The following SEPTIN7 variants were observed in gnomAD, a reference collection of about 807,000 sequenced individuals.
The protein encoded by SEPTIN7 is septin-7.
A neutral mutation model predicts 63.3 loss-of-function variants in SEPTIN7; 10 were observed. The ratio of observed to expected loss-of-function variants is 0.16; its 90% CI spans 0.10 to 0.27. SEPTIN7 has a LOEUF of 0.27. Among genes scored for constraint, SEPTIN7 ranks in the 10% least tolerant of loss-of-function variants. The pLI, the probability that SEPTIN7 is intolerant of heterozygous loss-of-function variation, is 1.00. For missense variants in SEPTIN7, 310 were observed against 521.0 expected (o/e 0.59, Z 3.94); for synonymous variants, 131 against 165.3 (o/e 0.79, Z 1.59).
chr7:35,900,587 G>A (rs1461185709), intron 12 of SEPTIN7: 2 of 151,904 alleles, frequency 1.3e-5, no homozygotes, highest in Non-Finnish European at 2.9e-5. Context: ...TCCAAAAGGG[G>A]GAAAAAAACA....
chr7:35,801,333 C>G, intron 1 of SEPTIN7, 63 bp downstream of exon 1: 1 of 1,508,026 alleles, frequency 6.6e-7, no homozygotes, highest in Non-Finnish European at 8.9e-7. Flanking sequence ...GGAAGCTCTG[C>G]GGCCGCTGGA....
At chr7:35,842,294 C>G (rs917420418) in intron 3 of SEPTIN7, among the ~76,000 whole-genome samples, 2 of 151,768 alleles carry the variant, frequency 1.3e-5, no homozygotes, top group African/African-American at 2.4e-5. Context: ...CCATGAAAGA[C>G]CTTTGTAGTG....
intron 3 of SEPTIN7, among the ~76,000 whole-genome samples, chr7:35,835,022 T>C (rs185440814): frequency 1.8e-3 from 268 of 152,324 alleles, no homozygotes; most frequent in African/African-American, 5.8e-3. Context: ...ATAATCTTGC[T>C]TCATAAGCAA....
intron 1 of SEPTIN7, among the ~76,000 whole-genome samples, chr7:35,801,829 T>C (rs1047993576): frequency 9.3e-5 from 14 of 149,796 alleles, no homozygotes; most frequent in Admixed American, 4.0e-4. Flanking sequence ...AGGCTGAGGC[T>C]GTGGTGGAGG....
At chr7:35,865,712 G>C (rs1052191509) in intron 4 of SEPTIN7, among the ~76,000 whole-genome samples, 9 of 152,058 alleles carry the variant, frequency 5.9e-5, no homozygotes, top group African/African-American at 1.9e-4. Flanking sequence ...GTTATTTCAT[G>C]AAAGTGTTTT....
At chr7:35,901,066 G>C (rs532092714) in intron 12 of SEPTIN7, 3 of 152,214 alleles carry the variant, frequency 2.0e-5, no homozygotes, top group East Asian at 3.9e-4. Context: ...TTTTAGCCTT[G>C]TTTAATACAG....
At chr7:35,810,147 A>C (rs1016158418) in intron 1 of SEPTIN7, among the ~76,000 whole-genome samples, 2 of 152,160 alleles carry the variant, frequency 1.3e-5, no homozygotes, top group African/African-American at 2.4e-5. Context: ...CTAGGATAGA[A>C]AATAAACATT....
chr7:35,873,731 C>T lies in SEPTIN7; in HGVS notation c.468C>T (p.Asn156=), dbSNP rs1275177865. The T allele has an allele frequency of 6.2e-7, 1 of 1,610,718 alleles. No individual in the cohort carries two copies. The highest frequency in any genetic ancestry group is 8.5e-7 in the Non-Finnish European group (1 of 1,179,046). Residue 156 remains asparagine (N), a synonymous_variant, in exon 6 of 14, where the codon AAC becomes AAT. Transcript: ENST00000350320. Reference sequence around the variant, plus strand: ...TGAACAGACGTCAGATGCCTGATAACAGGGTGCAGTGTTGTTTATACTTCA... The same window carrying T: ...TGAACAGACGTCAGATGCCTGATAATAGGGTGCAGTGTTGTTTATACTTCA... ...SRVNRRQMPD[N]RVQCCLYFIA...
intron 4 of SEPTIN7, among the ~76,000 whole-genome samples, chr7:35,870,465 T>A (rs1337585790): frequency 6.6e-6 from 1 of 152,232 alleles, no homozygotes; most frequent in Non-Finnish European, 1.5e-5. Flanking sequence ...TGTATCACTT[T>A]CTAGTGTGTA....
intron 3 of SEPTIN7, among the ~76,000 whole-genome samples, chr7:35,861,158 A>T (rs1785485687): frequency 6.6e-6 from 1 of 151,856 alleles, no homozygotes; most frequent in South Asian, 2.1e-4. Flanking sequence ...TGTTTTTATA[A>T]TTTCTCTTTA....
At chr7:35,873,579 A>G in intron 5 of SEPTIN7, 62 bp from the exon 6 acceptor site, 1 of 1,513,556 alleles carries the variant, frequency 6.6e-7, no homozygotes, top group Non-Finnish European at 8.9e-7. Flanking sequence ...ATTGTCCTTT[A>G]ACAGTCATCA....
the SEPTIN7 span, among the ~76,000 whole-genome samples, chr7:35,913,042 C>G: frequency 6.6e-6 from 1 of 152,202 alleles, no homozygotes; most frequent in Non-Finnish European, 1.5e-5. Context: ...CAGGCATAGC[C>G]TTTAGTTCTC....
chr7:35,816,141 G>T (rs1312889146), intron 1 of SEPTIN7, among the ~76,000 whole-genome samples: 2 of 152,120 alleles, frequency 1.3e-5, no homozygotes, highest in African/African-American at 4.8e-5. Flanking sequence ...GGTTTTTCGT[G>T]TATTCAGGGT....
chr7:35,876,980 T>A (rs1331077552), intron 6 of SEPTIN7, among the ~76,000 whole-genome samples: 4 of 150,904 alleles, frequency 2.7e-5, no homozygotes, highest in African/African-American at 9.8e-5. Context: ...GAAAAAAAAA[T>A]TAGCTGGGCC....
At chr7:35,904,186 G>T in intron 13 of SEPTIN7, 68 bp from the exon 14 acceptor site, 3 of 1,194,168 alleles carry the variant, frequency 2.5e-6, no homozygotes, top group Non-Finnish European at 3.5e-6. Context: ...GTTAGCTGTT[G>T]TTATCATGTT....
chr7:35,804,625 A>G (rs1161095966), intron 1 of SEPTIN7, among the ~76,000 whole-genome samples: 1 of 152,180 alleles, frequency 6.6e-6, no homozygotes. Context: ...AGTAGGTTAG[A>G]TTGTAATTTT....
intron 3 of SEPTIN7, among the ~76,000 whole-genome samples, chr7:35,848,715 C>A (rs1310359883): frequency 6.6e-6 from 1 of 152,120 alleles, no homozygotes; most frequent in African/African-American, 2.4e-5. Context: ...CTAGGTCAGG[C>A]AGTATCTTTT....
intron 8 of SEPTIN7, among the ~76,000 whole-genome samples, chr7:35,883,632 T>A (rs1160947458): frequency 1.3e-5 from 2 of 151,524 alleles, no homozygotes; most frequent in Admixed American, 1.3e-4. Context: ...TTTTAGTAAA[T>A]AATTTGACCA....
At chr7:35,808,766 G>A (rs576213126) in intron 1 of SEPTIN7, among the ~76,000 whole-genome samples, 1 of 152,158 alleles carries the variant, frequency 6.6e-6, no homozygotes, top group Non-Finnish European at 1.5e-5. Context: ...ACAAATTTTG[G>A]GAGAACACAT....
Sources: allele counts gnomAD v4.1 joint callset (sites outside exome capture counted in the v4.1 genomes callset), GRCh38; gene constraint gnomAD v4.1.1; transcripts MANE v1.5; gene names NCBI Gene and HGNC (gene_info 2026-07-23, HGNC 2026-07-21).